FHIP1A: variants seen among roughly 807,000 people sequenced by gnomAD.
FHIP1A encodes the protein FHF complex subunit HOOK-interacting protein 1A.
In FHIP1A, 61 loss-of-function variants were observed where a neutral mutation model predicts 88.6. The observed-to-expected ratio is 0.69, with a 90% CI of 0.56 to 0.85. FHIP1A has a LOEUF of 0.85. Ranked by LOEUF, FHIP1A falls within the 40% of genes least tolerant of loss-of-function variation. FHIP1A has a pLI of 0.00. For missense variants in FHIP1A, 1,154 were observed against 1,273.5 expected (o/e 0.91, Z 1.43); for synonymous variants, 478 against 496.0 (o/e 0.96, Z 0.48).
intron 9 of FHIP1A, among the ~76,000 whole-genome samples, 189 bp downstream of exon 9, chr4:151,638,945 A>T (rs1214873596): frequency 6.6e-6 from 1 of 152,148 alleles, no homozygotes; most frequent in Non-Finnish European, 1.5e-5. Context: ...CCCAAGGTTA[A>T]TTTTATTTGT....
intron 3 of FHIP1A, among the ~76,000 whole-genome samples, chr4:151,515,255 C>CG (rs1357599771): frequency 4.4e-4 from 16 of 36,024 alleles, no homozygotes; most frequent in Middle Eastern, 0.014. Context: ...AATTCAACAA[C>CG]CTTCATGCTA....
chr4:151,512,912 G>A (rs967643963), intron 3 of FHIP1A, among the ~76,000 whole-genome samples: 9 of 152,300 alleles, frequency 5.9e-5, no homozygotes, highest in Admixed American at 5.2e-4. Flanking sequence ...TCCCAATCTA[G>A]CAAGGCAGGC....
chr4:151,579,750 C>T (rs1009748083), intron 5 of FHIP1A, among the ~76,000 whole-genome samples: 9 of 151,976 alleles, frequency 5.9e-5, no homozygotes, highest in African/African-American at 2.2e-4. Context: ...GACATTCCTG[C>T]AAATTATAAA....
intron 1 of FHIP1A, among the ~76,000 whole-genome samples, chr4:151,449,499 A>G (rs1728720484): frequency 6.6e-6 from 1 of 152,096 alleles, no homozygotes; most frequent in Admixed American, 6.6e-5. Flanking sequence ...TAGCATATTC[A>G]TCACCTCATG....
At chr4:151,566,006 A>G in intron 3 of FHIP1A, 132 bp from the exon 4 acceptor site, 1 of 285,130 alleles carries the variant, frequency 3.5e-6, no homozygotes, top group Non-Finnish European at 6.6e-6. Flanking sequence ...GATTGAGTAT[A>G]ATATCTGTTT....
intron 3 of FHIP1A, among the ~76,000 whole-genome samples, chr4:151,525,964 G>T: frequency 6.6e-6 from 1 of 151,732 alleles, no homozygotes; most frequent in East Asian, 1.9e-4. Context: ...TGACTCTTAA[G>T]GAGCATGCTG....
At chr4:151,595,970 C>G (rs1734631462) in intron 7 of FHIP1A, among the ~76,000 whole-genome samples, 2 of 151,920 alleles carry the variant, frequency 1.3e-5, no homozygotes, top group African/African-American at 4.8e-5. Context: ...GGTCTTAACT[C>G]TATCCAATTT....
intron 7 of FHIP1A, among the ~76,000 whole-genome samples, chr4:151,619,193 T>C (rs1297073460): frequency 6.6e-6 from 1 of 152,230 alleles, no homozygotes; most frequent in Non-Finnish European, 1.5e-5. Flanking sequence ...TATTTAACTA[T>C]TGTACAAAAA....
rs577127891 is a variant in FHIP1A, at chr4:151,664,236, C to T, written c.*1482C>T. ...GCAGCCACAGGTCTGGTGGTTGTGC[C>T]TCAGGAGCACTGGTTTGGTCTTAAT... On this transcript the variant is annotated 3_prime_UTR_variant, in exon 14 of 14. Transcript: ENST00000435205. 6.6e-6 allele frequency among the ~76,000 whole-genome samples: 1 copy of T among 152,208 alleles called. No homozygotes were observed. Among genetic ancestry groups the T allele is most frequent in the Non-Finnish European group, 1.5e-5 (1 of 68,044 alleles).
In FHIP1A at chr4:151,571,038, A is replaced by C. The variant is rs375246657; in HGVS notation, c.105+4674A>C. Among the ~76,000 whole-genome samples the C allele has an allele frequency of 2.0e-3, 304 of 152,234 alleles. 15 individuals are homozygous for C. In the South Asian group the frequency reaches 0.061, roughly 31 times the overall value. On this transcript the variant is annotated intron_variant, in intron 4 of 13. Coordinates refer to ENST00000435205, the MANE Select transcript of FHIP1A (RefSeq NM_001109977.3). ...GAGGACAGAAATAGTAAGAAGCATT[A>C]GCCCACCAGGCAATAAACTATTCAA... is the stretch of plus-strand genomic sequence containing the variant.
intron 3 of FHIP1A, among the ~76,000 whole-genome samples, chr4:151,548,394 C>G (rs1461421919): frequency 1.3e-5 from 2 of 152,132 alleles, no homozygotes; most frequent in African/African-American, 2.4e-5. Context: ...ACCTGCTGGG[C>G]TGCATTTCTA....
At chr4:151,527,480 T>G (rs1261811174) in intron 3 of FHIP1A, among the ~76,000 whole-genome samples, 1 of 151,876 alleles carries the variant, frequency 6.6e-6, no homozygotes, top group Non-Finnish European at 1.5e-5. Flanking sequence ...AGCAGTACCG[T>G]CCAGCTTCGG....
intron 9 of FHIP1A, among the ~76,000 whole-genome samples, chr4:151,642,853 A>G (rs1254048725): frequency 4.6e-5 from 7 of 151,344 alleles, no homozygotes; most frequent in African/African-American, 1.7e-4. Context: ...AGGGAGGACA[A>G]TATGTATGAT....
chr4:151,653,864 G>GGA (rs1160034681), intron 11 of FHIP1A, among the ~76,000 whole-genome samples: 1 of 152,136 alleles, frequency 6.6e-6, no homozygotes, highest in Non-Finnish European at 1.5e-5. Flanking sequence ...AGCGGTGAGT[G>GGA]GATGACAGGA....
intron 3 of FHIP1A, among the ~76,000 whole-genome samples, chr4:151,559,251 T>C (rs1487628888): frequency 1.3e-5 from 2 of 152,240 alleles, no homozygotes; most frequent in Non-Finnish European, 2.9e-5. Context: ...GCTATACTTA[T>C]GGTAGACATA....
chr4:151,484,252 T>C (rs555637872), intron 3 of FHIP1A, among the ~76,000 whole-genome samples: 4 of 152,314 alleles, frequency 2.6e-5, no homozygotes, highest in African/African-American at 7.2e-5. Flanking sequence ...TTCACCTGTC[T>C]GTAGAGCAGA....
At chr4:151,504,478 T>G (rs1730756418) in intron 3 of FHIP1A, among the ~76,000 whole-genome samples, 1 of 152,196 alleles carries the variant, frequency 6.6e-6, no homozygotes, top group Admixed American at 6.5e-5. Flanking sequence ...CTCAGGATGT[T>G]TGAAGTTATA....
At chr4:151,527,077 C>T (rs573849898) in intron 3 of FHIP1A, among the ~76,000 whole-genome samples, 207 of 138,244 alleles carry the variant, frequency 1.5e-3, no homozygotes, top group East Asian at 0.011. Flanking sequence ...ACATCCCAGA[C>T]GATGGGCGGC....
chr4:151,457,977 T>C (rs1310614303), intron 2 of FHIP1A, among the ~76,000 whole-genome samples: 1 of 152,216 alleles, frequency 6.6e-6, no homozygotes, highest in Non-Finnish European at 1.5e-5. Flanking sequence ...GTGATAATGG[T>C]AGTAGAGTAG....
Sources: gnomAD v4.1 joint callset for allele counts (sites outside exome capture counted in the v4.1 genomes callset) on GRCh38, gnomAD v4.1.1 for gene constraint, MANE v1.5 for transcripts, NCBI Gene and HGNC (gene_info 2026-07-23, HGNC 2026-07-21) for gene names.